The following ITGB8 variants were observed in gnomAD, a reference collection of about 807,000 sequenced individuals.
ITGB8 encodes integrin beta-8.
ITGB8 carries 30 observed loss-of-function variants against 89.5 expected under a neutral mutation model. The ratio of observed to expected loss-of-function variants is 0.34; its 90% CI spans 0.25 to 0.45. The LOEUF (loss-of-function observed/expected upper bound fraction) is 0.45, where lower values mean the gene tolerates loss of function less well. Ranked by LOEUF, ITGB8 falls within the 20% of genes least tolerant of loss-of-function variation. ITGB8 has a pLI of 1.00. For missense variants in ITGB8, 836 were observed against 933.3 expected (o/e 0.90, Z 1.36); for synonymous variants, 335 against 320.4 (o/e 1.05, Z -0.49).
At chr7:20,366,770 A>G (rs1785714939) in intron 2 of ITGB8, 1 of 388,502 alleles carries the variant, frequency 2.6e-6, no homozygotes, top group Non-Finnish European at 4.6e-6. Flanking sequence ...TCTCCGACAC[A>G]GAAAAAAAAA....
At chr7:20,347,556 G>C (rs1296708303) in intron 1 of ITGB8, among the ~76,000 whole-genome samples, 1 of 152,200 alleles carries the variant, frequency 6.6e-6, no homozygotes, top group African/African-American at 2.4e-5. Context: ...CTGTGGTAGA[G>C]AGAGGAGTCA....
intron 1 of ITGB8, among the ~76,000 whole-genome samples, chr7:20,334,605 C>A (rs1009138961): frequency 6.6e-6 from 1 of 152,142 alleles, no homozygotes; most frequent in Non-Finnish European, 1.5e-5. Context: ...CAAAGCGTTG[C>A]ATAGCATAAG....
At chr7:20,392,238 C>T (rs951582455) in intron 7 of ITGB8, among the ~76,000 whole-genome samples, 1 of 152,152 alleles carries the variant, frequency 6.6e-6, no homozygotes, top group Non-Finnish European at 1.5e-5. Context: ...TTTCATTGTG[C>T]ATCTCTGTTT....
chr7:20,383,297 T>C (rs1471787830), intron 6 of ITGB8, among the ~76,000 whole-genome samples: 5 of 152,192 alleles, frequency 3.3e-5, no homozygotes, highest in Non-Finnish European at 4.4e-5. Flanking sequence ...TAACTAGAGA[T>C]TGAATTCAAA....
At chr7:20,361,127 T>A (rs1785487490) in intron 1 of ITGB8, among the ~76,000 whole-genome samples, 1 of 152,150 alleles carries the variant, frequency 6.6e-6, no homozygotes, top group Non-Finnish European at 1.5e-5. Context: ...TTTTTTCATA[T>A]GTTTATTAGC....
intron 1 of ITGB8, among the ~76,000 whole-genome samples, chr7:20,362,604 T>C (rs1785547612): frequency 6.6e-6 from 1 of 152,210 alleles, no homozygotes; most frequent in South Asian, 2.1e-4. Flanking sequence ...TACTATGTGA[T>C]ACTGTTTGCT....
chr7:20,402,828 G>A (rs952297657), intron 10 of ITGB8, among the ~76,000 whole-genome samples: 5 of 152,078 alleles, frequency 3.3e-5, no homozygotes, highest in Admixed American at 3.3e-4. Context: ...GCCACCTACA[G>A]GTTAGATTCC....
intron 3 of ITGB8, among the ~76,000 whole-genome samples, chr7:20,368,724 T>C (rs781398416): frequency 5.9e-5 from 9 of 152,234 alleles, no homozygotes; most frequent in Non-Finnish European, 1.3e-4. Flanking sequence ...TTATTTATTT[T>C]TGTTATGCTC....
chr7:20,332,836 C>T (rs929923445), intron 1 of ITGB8, among the ~76,000 whole-genome samples: 6 of 151,864 alleles, frequency 4.0e-5, no homozygotes, highest in South Asian at 2.1e-4. Context: ...AGTAATAGGA[C>T]GAATCATGAG....
chr7:20,350,968 C>G (rs75796081), intron 1 of ITGB8, among the ~76,000 whole-genome samples: 41 of 152,212 alleles, frequency 2.7e-4, no homozygotes, highest in African/African-American at 9.1e-4. Context: ...GGCTTTCACG[C>G]GAAAACTCAG....
rs1226064006 is a variant in ITGB8, at chr7:20,415,219, T to C, written c.*5222T>C. The C allele has an allele frequency of 1.3e-5, 2 of 152,276 alleles. No individual in the cohort carries two copies. 9.4% of individuals were successfully genotyped at this position (152,276 alleles called of 1,614,324 possible). The stretch of plus-strand genomic sequence containing the variant: ...TTAATATAGAAATTCATTTTGTGTA[T>C]ATTTAACATAGCTTTTAAACTATTT... On this transcript the variant is annotated 3_prime_UTR_variant, in exon 14 of 14. Transcript: ENST00000222573.
intron 1 of ITGB8, among the ~76,000 whole-genome samples, chr7:20,363,016 C>T (rs138653670): frequency 0.011 from 1,737 of 152,256 alleles, 33 homozygotes; most frequent in African/African-American, 0.04. Context: ...TTAACTAAAA[C>T]AACTCATTCA....
chr7:20,330,394 G>C (rs895894344), upstream of ITGB8, among the ~76,000 whole-genome samples: 2 of 152,196 alleles, frequency 1.3e-5, no homozygotes, highest in Admixed American at 1.3e-4. Flanking sequence ...ACAAAGCGGC[G>C]AGCAGCGCGG....
intron 6 of ITGB8, among the ~76,000 whole-genome samples, chr7:20,389,142 A>G (rs1786753435): frequency 1.3e-5 from 2 of 152,248 alleles, no homozygotes; most frequent in Admixed American, 1.3e-4. Context: ...GTATATACCC[A>G]GTAATGGGAT....
intron 3 of ITGB8, among the ~76,000 whole-genome samples, chr7:20,374,584 AGGG>A (rs909484676): frequency 6.6e-6 from 1 of 152,066 alleles, no homozygotes; most frequent in African/African-American, 2.4e-5. Context: ...ATGGAAACAC[AGGG>A]GCGGGGCCCT....
intron 1 of ITGB8, among the ~76,000 whole-genome samples, chr7:20,362,771 A>G (rs1035845330): frequency 1.7e-4 from 26 of 152,306 alleles, no homozygotes; most frequent in African/African-American, 5.8e-4. Context: ...AGATTGTTCT[A>G]CTAAAAACTC....
chr7:20,360,690 T>C (rs73266425), intron 1 of ITGB8, among the ~76,000 whole-genome samples: 2,341 of 151,988 alleles, frequency 0.015, 57 homozygotes, highest in African/African-American at 0.054. Context: ...TACGGCTGAG[T>C]GGTATTCCAT....
intron 1 of ITGB8, among the ~76,000 whole-genome samples, chr7:20,357,494 C>CTA (rs552053401): frequency 7.9e-5 from 12 of 151,940 alleles, no homozygotes; most frequent in African/African-American, 2.2e-4. Context: ...ATATATGTGT[C>CTA]TATATATATG....
At chr7:20,404,245 C>G (rs1232002566) in intron 10 of ITGB8, among the ~76,000 whole-genome samples, 2 of 152,340 alleles carry the variant, frequency 1.3e-5, no homozygotes, top group East Asian at 3.9e-4. Flanking sequence ...GAAGCCATAT[C>G]AAATACCTGT....
Sources: allele counts gnomAD v4.1 joint callset (sites outside exome capture counted in the v4.1 genomes callset), GRCh38; gene constraint gnomAD v4.1.1; transcripts MANE v1.5; gene names NCBI Gene and HGNC (gene_info 2026-07-23, HGNC 2026-07-21).